Variants in OR10J1 observed in about 807,000 individuals in gnomAD.
OR10J1 encodes olfactory receptor family 10 subfamily J member 1.
For missense variants in OR10J1, 474 were observed against 376.6 expected, an observed-to-expected ratio of 1.26 and a Z score of -2.14; for synonymous variants, 202 against 143.8, an observed-to-expected ratio of 1.40 and a Z score of -2.89.
the OR10J1 span, among the ~76,000 whole-genome samples, chr1:159,430,312 C>T: frequency 0.026 from 4,007 of 152,140 alleles, 174 homozygotes; most frequent in African/African-American, 0.092. Context: ...AAACCATCTC[C>T]ATCCCAGATT....
the OR10J1 span, among the ~76,000 whole-genome samples, chr1:159,415,188 A>G: frequency 3.1e-4 from 47 of 151,960 alleles, no homozygotes; most frequent in Non-Finnish European, 5.9e-4. Context: ...TCTTCTAGTT[A>G]TTTCATAGTT....
At chr1:159,410,010 G>A in the OR10J1 span, among the ~76,000 whole-genome samples, 2 of 152,054 alleles carry the variant, frequency 1.3e-5, no homozygotes, top group Non-Finnish European at 2.9e-5. Flanking sequence ...TTATTGATTT[G>A]TGTATATTGA....
At chr1:159,420,354 T>C in the OR10J1 span, among the ~76,000 whole-genome samples, 1 of 152,168 alleles carries the variant, frequency 6.6e-6, no homozygotes, top group African/African-American at 2.4e-5. Flanking sequence ...CATATTCCTG[T>C]AATTTTATTA....
upstream of OR10J1, among the ~76,000 whole-genome samples, chr1:159,435,545 G>C (rs568068705): frequency 6.6e-6 from 1 of 152,288 alleles, no homozygotes; most frequent in Non-Finnish European, 1.5e-5. Flanking sequence ...ATATTTGAAT[G>C]TAAAAAGGGG....
the OR10J1 span, among the ~76,000 whole-genome samples, chr1:159,423,256 A>C: frequency 6.6e-6 from 1 of 152,176 alleles, no homozygotes; most frequent in Non-Finnish European, 1.5e-5. Flanking sequence ...TACCCCATCC[A>C]CTGCCACACA....
chr1:159,406,128 G>A, the OR10J1 span: 20 of 463,620 alleles, frequency 4.3e-5, no homozygotes, highest in Middle Eastern at 7.1e-4. Flanking sequence ...AAGCATATGG[G>A]GAGTAATGGC....
chr1:159,419,345 T>A, the OR10J1 span, among the ~76,000 whole-genome samples: 1 of 152,086 alleles, frequency 6.6e-6, no homozygotes, highest in Non-Finnish European at 1.5e-5. Flanking sequence ...AATTGAATCA[T>A]GGGGGTGGGT....
the OR10J1 span, among the ~76,000 whole-genome samples, chr1:159,430,642 T>TGTGC: frequency 3.1e-5 from 2 of 65,276 alleles, no homozygotes; most frequent in African/African-American, 4.4e-5. Context: ...AAAATTATGG[T>TGTGC]GTGTGTGTGT....
At chr1:159,437,631 C>T (rs148473462), upstream of OR10J1, among the ~76,000 whole-genome samples, 266 of 152,300 alleles carry the variant, frequency 1.7e-3, 1 homozygote, top group Admixed American at 5.0e-3. Flanking sequence ...TCCCCAAGCG[C>T]TAGCCTGGAA....
At chr1:159,402,809 C>A in the OR10J1 span, among the ~76,000 whole-genome samples, 3 of 151,906 alleles carry the variant, frequency 2.0e-5, no homozygotes, top group Non-Finnish European at 4.4e-5. Context: ...CCAAAGCTAG[C>A]CTAAGCAAAA....
At chr1:159,402,003 A>T in the OR10J1 span, among the ~76,000 whole-genome samples, 1 of 151,998 alleles carries the variant, frequency 6.6e-6, no homozygotes, top group African/African-American at 2.4e-5. Flanking sequence ...CCATATGATC[A>T]TTTTAACTGA....
chr1:159,430,640 GGTGTGTGTGT>G, the OR10J1 span, among the ~76,000 whole-genome samples: 1 of 140,828 alleles, frequency 7.1e-6, no homozygotes. Flanking sequence ...AAAAAATTAT[GGTGTGTGTGT>G]GTGTGTGTGT....
the OR10J1 span, among the ~76,000 whole-genome samples, chr1:159,416,380 T>C: frequency 6.6e-6 from 1 of 152,002 alleles, no homozygotes; most frequent in East Asian, 1.9e-4. Context: ...CTTGAGACTT[T>C]TTTTATCATG....
At chr1:159,420,285 A>G in the OR10J1 span, among the ~76,000 whole-genome samples, 1 of 152,142 alleles carries the variant, frequency 6.6e-6, no homozygotes, top group Non-Finnish European at 1.5e-5. Context: ...GCTAGTCTAT[A>G]TCTTTTAAGT....
At chr1:159,417,008 T>G in the OR10J1 span, among the ~76,000 whole-genome samples, 1 of 152,102 alleles carries the variant, frequency 6.6e-6, no homozygotes. Flanking sequence ...TTATTGATTT[T>G]GTTTATCTAT....
chr1:159,400,697 C>T, the OR10J1 span, among the ~76,000 whole-genome samples: 1 of 151,852 alleles, frequency 6.6e-6, no homozygotes, highest in Non-Finnish European at 1.5e-5. Context: ...CCACTTGCAG[C>T]ATTGGACAGA....
chr1:159,437,059 A>T (rs577802436), upstream of OR10J1, among the ~76,000 whole-genome samples: 11 of 152,364 alleles, frequency 7.2e-5, no homozygotes, highest in South Asian at 2.3e-3. Context: ...CACATGAAAG[A>T]CTAAGAAATT....
At chr1:159,431,548 C>G in the OR10J1 span, among the ~76,000 whole-genome samples, 1 of 152,326 alleles carries the variant, frequency 6.6e-6, no homozygotes, top group East Asian at 1.9e-4. Context: ...AGTAGAGTTT[C>G]AGGCCTGGGC....
the OR10J1 span, among the ~76,000 whole-genome samples, chr1:159,422,677 TGGG>T: frequency 6.6e-6 from 1 of 152,174 alleles, no homozygotes; most frequent in African/African-American, 2.4e-5. Context: ...CACAAGACTC[TGGG>T]GGTTGTGGGA....
Sources: gnomAD v4.1 joint callset for allele counts (sites outside exome capture counted in the v4.1 genomes callset) on GRCh38, gnomAD v4.1.1 for gene constraint, MANE v1.5 for transcripts, NCBI Gene and HGNC (gene_info 2026-07-23, HGNC 2026-07-21) for gene names.